Variants in DNAH11 observed in about 807,000 individuals in gnomAD.
DNAH11 encodes dynein axonemal heavy chain 11.
DNAH11 carries 442 observed loss-of-function variants against 526.0 expected under a neutral mutation model. The ratio of observed to expected loss-of-function variants is 0.84; its 90% CI spans 0.78 to 0.91. The LOEUF is 0.91. Among genes scored for constraint, DNAH11 ranks in the 40% least tolerant of loss-of-function variants. The pLI, the probability that DNAH11 is intolerant of heterozygous loss-of-function variation, is 0.00. For synonymous variants in DNAH11, 2,461 were observed against 1,935.9 expected, an observed-to-expected ratio of 1.27 and a Z score of -7.12; for missense variants, 6,989 against 5,448.7, an observed-to-expected ratio of 1.28 and a Z score of -8.90.
rs72658818 is a variant in DNAH11, at chr7:21,869,072, C to G, written c.11967+81C>G. ...CAGAGCTGGCCCGCCCAACAGAATG[C>G]TCCCTTAACACCGCTGTGCATGGCG... On this transcript the variant is annotated intron_variant, in intron 73 of 81. Transcript: ENST00000409508. 71,155 of 1,581,930 alleles carry G rather than the reference C, an allele frequency of 0.045. 2,342 individuals are homozygous for G. Among genetic ancestry groups the G allele is most frequent in the African/African-American group, 0.14 (10,483 of 73,874 alleles).
At chr7:21,898,856 C>T (rs958388060) in intron 79 of DNAH11, among the ~76,000 whole-genome samples, 9 of 152,170 alleles carry the variant, frequency 5.9e-5, no homozygotes, top group Admixed American at 1.3e-4. Context: ...CTTAGACTGC[C>T]GTCACGTGCT....
rs538277949 is a variant in DNAH11, at chr7:21,815,268, A to G, written c.10333-1199A>G. Among the ~76,000 whole-genome samples the G allele has an allele frequency of 6.6e-5, 10 of 152,316 alleles. No homozygotes were observed. The East Asian group carries it at 1.9e-3, about 29-fold the overall frequency. ...AGTAGAAGGTAACAAACTAAAGCAC[A>G]TACCTCTTGCAGATAGAAGATTGCT... is the stretch of plus-strand genomic sequence containing the variant. On this transcript the variant is annotated intron_variant, in intron 63 of 81. Transcript: ENST00000409508.
At chr7:21,746,917 GA>G (rs1346097273) in intron 51 of DNAH11, among the ~76,000 whole-genome samples, 4 of 152,170 alleles carry the variant, frequency 2.6e-5, no homozygotes, top group African/African-American at 4.8e-5. Flanking sequence ...AGGTGAAACA[GA>G]AACCTCCCAT....
At chr7:21,818,529 A>T (rs1275871260) in intron 65 of DNAH11, among the ~76,000 whole-genome samples, 190 bp downstream of exon 65, 1 of 152,122 alleles carries the variant, frequency 6.6e-6, no homozygotes, top group East Asian at 1.9e-4. Flanking sequence ...TATTTGATGG[A>T]TTTAGATTTG....
chr7:21,900,217 A>G, intron 81 of DNAH11, 97 bp downstream of exon 81: 6 of 1,310,204 alleles, frequency 4.6e-6, no homozygotes, highest in Middle Eastern at 2.4e-4. Flanking sequence ...CTCCTCACTC[A>G]CACAGTAACC....
chr7:21,646,871 G>C (rs77254868), intron 28 of DNAH11, among the ~76,000 whole-genome samples: 8,753 of 152,144 alleles, frequency 0.058, 642 homozygotes, highest in Admixed American at 0.22. Context: ...AAAAGTATGG[G>C]AGTGAAAATA....
In DNAH11 at chr7:21,759,090, C is replaced by T. The variant is rs543561745; in HGVS notation, c.8941-6338C>T. 5.3e-5 allele frequency among the ~76,000 whole-genome samples: 8 copies of T among 152,292 alleles called. No individual in the cohort carries two copies. The East Asian group carries it at 5.8e-4, about 11-fold the overall frequency. ...ACTGGCTTGGAACGCAGTCTGTGAC[C>T]AGTGCAGGCCCTGGTGACAAGCATG... On this transcript the variant is annotated intron_variant, in intron 54 of 81. Coordinates refer to ENST00000409508, the MANE Select transcript of DNAH11 (RefSeq NM_001277115.2).
chr7:21,808,567 A>G (rs1481618191), intron 63 of DNAH11, among the ~76,000 whole-genome samples: 1 of 152,124 alleles, frequency 6.6e-6, no homozygotes, highest in Non-Finnish European at 1.5e-5. Flanking sequence ...GTTCTCTGGT[A>G]ACCATCATTC....
chr7:21,738,043 G>C (rs1350566245), intron 46 of DNAH11, among the ~76,000 whole-genome samples: 1 of 151,914 alleles, frequency 6.6e-6, no homozygotes, highest in Non-Finnish European at 1.5e-5. Context: ...ATAGTTCCTT[G>C]GTCTCAAAAT....
intron 5 of DNAH11, among the ~76,000 whole-genome samples, chr7:21,563,832 A>C (rs902867623): frequency 6.6e-6 from 1 of 152,186 alleles, no homozygotes; most frequent in African/African-American, 2.4e-5. Flanking sequence ...TTGTAATCCA[A>C]GCCATAAAGT....
Position 21,601,110 on chromosome 7 carries a change from G to A in DNAH11, c.3356G>A (p.Ser1119Asn), listed in dbSNP as rs754921505. Residue 1119 changes from serine to asparagine, a missense_variant, in exon 17 of 82, where the codon AGC becomes AAC. By Grantham distance (46) the Ser-to-Asn change is conservative. Coordinates refer to ENST00000409508, the MANE Select transcript of DNAH11 (RefSeq NM_001277115.2). ...FKVDMKPFKV[S>N]LLTIIKKWSW... ...GTGGACATGAAGCCTTTCAAAGTGA[G>A]CTTGTTAACCATAATTAAGAAATGG... 1.1e-4 allele frequency: 185 copies of A among 1,610,472 alleles called. 1 individual carries two copies. In the Middle Eastern group the frequency reaches 2.3e-3, roughly 20 times the overall value.
intron 54 of DNAH11, among the ~76,000 whole-genome samples, chr7:21,753,709 C>A (rs1047268612): frequency 4.6e-5 from 7 of 152,192 alleles, no homozygotes; most frequent in African/African-American, 1.7e-4. Flanking sequence ...TTCAGCATTG[C>A]ACTATAAATT....
At chr7:21,879,612 G>A (rs538387677) in intron 74 of DNAH11, among the ~76,000 whole-genome samples, 1 of 152,292 alleles carries the variant, frequency 6.6e-6, no homozygotes, top group South Asian at 2.1e-4. Context: ...AGGCTAAGCT[G>A]CTGTAAGAAA....
chr7:21,586,959 C>G (rs771857969), intron 9 of DNAH11, among the ~76,000 whole-genome samples: 2 of 152,160 alleles, frequency 1.3e-5, no homozygotes, highest in African/African-American at 2.4e-5. Context: ...CTAGCTGTTA[C>G]GAATTTGGGA....
intron 30 of DNAH11, 48 bp from the exon 31 acceptor site, chr7:21,681,498 T>G: frequency 6.3e-7 from 1 of 1,578,576 alleles, no homozygotes. Flanking sequence ...GCTCTTAAAT[T>G]CTGTATTTGT....
chr7:21,649,172 ATG>A (rs1562727242), intron 28 of DNAH11, among the ~76,000 whole-genome samples: 1 of 152,226 alleles, frequency 6.6e-6, no homozygotes, highest in Admixed American at 6.5e-5. Context: ...AGTAATGGGA[ATG>A]TTCATATCTA....
intron 46 of DNAH11, among the ~76,000 whole-genome samples, chr7:21,737,184 C>A (rs761485867): frequency 1.3e-5 from 2 of 152,122 alleles, no homozygotes; most frequent in African/African-American, 4.8e-5. Context: ...CCAGCTTAAG[C>A]AAAGACATGG....
intron 59 of DNAH11, 86 bp from the exon 60 acceptor site, chr7:21,787,315 T>C (rs1171398586): frequency 2.2e-6 from 3 of 1,376,796 alleles, no homozygotes; most frequent in Admixed American, 2.3e-5. Context: ...GTAATGTGAG[T>C]CCTAAAAGCT....
At chr7:21,553,070 ATTTTT>A (rs35121910) in intron 2 of DNAH11, among the ~76,000 whole-genome samples, 19 of 66,764 alleles carry the variant, frequency 2.8e-4, no homozygotes, top group East Asian at 9.3e-4. Flanking sequence ...TATAAATGGG[ATTTTT>A]TTTTTTTTTT....
Sources: gnomAD v4.1 joint callset for allele counts (sites outside exome capture counted in the v4.1 genomes callset) on GRCh38, gnomAD v4.1.1 for gene constraint, MANE v1.5 for transcripts, NCBI Gene and HGNC (gene_info 2026-07-23, HGNC 2026-07-21) for gene names.